MYO15B: variants seen among roughly 807,000 people sequenced by gnomAD.
The protein encoded by MYO15B is myosin XVB pseudogene.
In MYO15B, 207 loss-of-function variants were observed where a neutral mutation model predicts 119.3. The observed-to-expected ratio is 1.73, with a 90% CI of 1.55 to 1.95. The LOEUF (loss-of-function observed/expected upper bound fraction) is 1.95, where lower values mean the gene tolerates loss of function less well. Among genes scored for constraint, MYO15B ranks in the 30% most tolerant of loss-of-function variants. The pLI is 0.00. For missense variants in MYO15B, 2,264 were observed against 1,203.1 expected (o/e 1.88, Z -13.04); for synonymous variants, 966 against 498.9 (o/e 1.94, Z -12.48).
At chr17:75,618,678 C>A (rs1293167285) in intron 43 of MYO15B, among the ~76,000 whole-genome samples, 1 of 152,228 alleles carries the variant, frequency 6.6e-6, no homozygotes, top group African/African-American at 2.4e-5. Context: ...GACCATTATT[C>A]ATCTAGTTTT....
In MYO15B at chr17:75,626,028, C is replaced by T. The variant is rs554725047; in HGVS notation, c.9072+51C>T. 6.0e-5 allele frequency: 42 copies of T among 697,408 alleles called. No individual in the cohort carries two copies. In the East Asian group the frequency reaches 9.1e-4, roughly 15 times the overall value. 43.2% of individuals were successfully genotyped at this position (697,408 alleles called of 1,614,324 possible). Reference sequence around the variant, plus strand: ...TGGCCTAGGGACCCTTGGGCTGTTCCATCACCCACAATGACCCCTCCCCGG... The same window carrying T: ...TGGCCTAGGGACCCTTGGGCTGTTCTATCACCCACAATGACCCCTCCCCGG... On this transcript the variant is annotated intron_variant, in intron 62 of 63. Coordinates refer to ENST00000645453, the Ensembl canonical transcript of MYO15B.
In MYO15B at chr17:75,601,377, G is replaced by C. The variant is rs573067993; in HGVS notation, c.3526-61G>C. 3.6e-5 allele frequency: 25 copies of C among 691,820 alleles called. No individual in the cohort carries two copies. In the East Asian group the frequency reaches 6.5e-4, roughly 18 times the overall value. 42.9% of individuals were successfully genotyped at this position (691,820 alleles called of 1,614,324 possible). ...CAGTACTCGTGCTCACCGGGAGAGG[G>C]CGCCATCCAGAAGGACAGCCTGTGC... is the stretch of plus-strand genomic sequence containing the variant. On this transcript the variant is annotated intron_variant, in intron 14 of 63. Coordinates refer to ENST00000645453, the Ensembl canonical transcript of MYO15B.
chr17:75,611,943 C>T (rs184248251), exon 25 of MYO15B: 521 of 703,008 alleles, frequency 7.4e-4, no homozygotes, highest in Admixed American at 1.5e-3. Flanking sequence ...GAGGTTCCTG[C>T]CCGGCCCAGC....
At chr17:75,594,748 C>G (rs548141550) in exon 11 of MYO15B, 1 of 703,074 alleles carries the variant, frequency 1.4e-6, no homozygotes, top group Non-Finnish European at 2.6e-6. Context: ...TGGAAAGTGC[C>G]TTTGATGCCA....
chr17:75,592,361 G>A lies in MYO15B; in HGVS notation c.2715+60G>A. The A allele has an allele frequency of 1.0e-5, 7 of 699,582 alleles. 1 individual carries two copies. In the South Asian group the frequency reaches 1.0e-4, roughly 10 times the overall value. 43.3% of individuals were successfully genotyped at this position (699,582 alleles called of 1,614,324 possible). A position where few individuals can be genotyped will look rare whatever the true frequency, so the allele number is the denominator to read the frequency against. On this transcript the variant is annotated intron_variant, in intron 7 of 63. Transcript: ENST00000645453. ...TCCCAGAGTAGGAAGGGCAGAGGGT[G>A]TCACTGTCGGGGTGTGGCCTCTAAG... is the stretch of plus-strand genomic sequence containing the variant.
At position 75,589,496 on chromosome 17, in the gene MYO15B, A is replaced by G. The variant is rs1053879421; in HGVS notation, c.1439A>G (p.His480Arg). The G allele has an allele frequency of 2.5e-6, 1 of 396,302 alleles. No individual in the cohort carries two copies. Among genetic ancestry groups the G allele is most frequent in the African/African-American group, 2.1e-5 (1 of 47,822 alleles). 24.5% of individuals were successfully genotyped at this position (396,302 alleles called of 1,614,324 possible). The change falls in exon 1 of 64, where the codon CAC becomes CGC. Residue 480 changes from histidine (H) to arginine (R), a missense_variant. Physicochemically the swap from His to Arg is conservative, Grantham distance 29. Coordinates refer to ENST00000645453, the Ensembl canonical transcript of MYO15B. This position sits in a 1 kb window ranked among gnomAD's most constrained non-coding sequence, Gnocchi z 4.2. ...GAGAGAGGTGACGAGGGCCGGGACC[A>G]CCAGAGAGGGTACGAGGGGTGGGGC...
chr17:75,611,632 T>G (rs1381030752), exon 24 of MYO15B: 2 of 702,804 alleles, frequency 2.8e-6, no homozygotes, highest in Non-Finnish European at 5.2e-6. Context: ...CCGGCTGAGC[T>G]GGCCGTCATG....
chr17:75,602,190 T>A, intron 15 of MYO15B: 6 of 385,794 alleles, frequency 1.6e-5, no homozygotes, highest in East Asian at 6.0e-5. Flanking sequence ...ATACAAGGAG[T>A]TCAAGAAAGC....
chr17:75,621,724 C>G (rs953678982), intron 52 of MYO15B, 154 bp downstream of exon 52: 1 of 604,816 alleles, frequency 1.7e-6, no homozygotes, highest in Non-Finnish European at 3.0e-6. Context: ...GGCCCTCACC[C>G]GCTTCTACTC....
chr17:75,607,886 C>A (rs1315201252), intron 21 of MYO15B, among the ~76,000 whole-genome samples: 1 of 152,294 alleles, frequency 6.6e-6, no homozygotes, highest in East Asian at 1.9e-4. Context: ...ATAGTGGCTG[C>A]ATCATTTTAT....
chr17:75,596,121 G>A (rs1177911884), intron 12 of MYO15B, among the ~76,000 whole-genome samples: 2 of 152,214 alleles, frequency 1.3e-5, no homozygotes, highest in Admixed American at 1.3e-4. Context: ...GCAGCAGCCT[G>A]GAGCCCTGTG....
chr17:75,610,922 A>G (rs1236036587), exon 23 of MYO15B: 16 of 702,944 alleles, frequency 2.3e-5, no homozygotes, highest in Non-Finnish European at 3.9e-5. Flanking sequence ...CAGGGCTGGC[A>G]TAGCAGCGAA....
rs530998022 is a variant in MYO15B at position 75,605,748 on chromosome 17, C to A, written c.4135-116C>A. On this transcript the variant is annotated intron_variant, in intron 20 of 63. Transcript: ENST00000645453. ...AGTGGTGGGAGACAGAAGGGCTGGA[C>A]GGCAGGGCCAGAAGAACAAATGGTT... The A allele has an allele frequency of 1.5e-5, 10 of 655,800 alleles. No homozygotes were observed. In the African/African-American group the frequency reaches 1.6e-4, roughly 10 times the overall value. The allele number at this position is 655,800 out of a possible 1,614,324, so 40.6% of individuals were successfully genotyped here. A position where few individuals can be genotyped will look rare whatever the true frequency, so the allele number is the denominator to read the frequency against.
At chr17:75,603,285 G>A (rs1277369727) in exon 19 of MYO15B, 18 of 702,968 alleles carry the variant, frequency 2.6e-5, no homozygotes, top group Admixed American at 6.0e-5. Flanking sequence ...TTCCCCGTGC[G>A]TGTGCCCTTT....
At position 75,616,967 on chromosome 17, in the gene MYO15B, C is replaced by T; in HGVS notation, c.6594+6C>T. On this transcript the variant is annotated splice_donor_region_variant and intron_variant, in intron 40 of 63. Transcript: ENST00000645453. Reference sequence around the variant, plus strand: ...GTGCCCACTCGTCCCCGCCGGTGAGCACCCCAGCCTGTCTCCCCCAGAGTG... The same window carrying T: ...GTGCCCACTCGTCCCCGCCGGTGAGTACCCCAGCCTGTCTCCCCCAGAGTG... The T allele has an allele frequency of 1.4e-6, 1 of 702,928 alleles. No homozygotes were observed. Among genetic ancestry groups the T allele is most frequent in the Non-Finnish European group, 2.6e-6 (1 of 385,000 alleles). 43.5% of individuals were successfully genotyped at this position (702,928 alleles called of 1,614,324 possible). A position where few individuals can be genotyped will look rare whatever the true frequency, so the allele number is the denominator to read the frequency against.
In MYO15B at chr17:75,589,138, GCTGGCCTCAAGGAGCGGCTCC is replaced by G. The variant is rs2056247958; in HGVS notation, c.1082_1102del (p.Ala361_Leu368delinsVal). On this transcript the variant is annotated inframe_deletion, in exon 1 of 64. Transcript: ENST00000645453. This position sits in a 1 kb window ranked among gnomAD's most constrained non-coding sequence, Gnocchi z 4.2. ...TTCCCAGGCCGTGGGCCCCCGCCGC[GCTGGCCTCAAGGAGCGGCTCC>G]TGAGTGTAGCGCGAGCCCTGGGCCT... is the stretch of plus-strand genomic sequence containing the variant. The G allele has an allele frequency of 2.6e-6, 1 of 391,420 alleles. No homozygotes were observed. Among genetic ancestry groups the G allele is most frequent in the African/African-American group, 2.1e-5 (1 of 48,256 alleles). The allele number at this position is 391,420 out of a possible 1,614,324, so 24.2% of individuals were successfully genotyped here.
At chr17:75,599,574 C>T (rs138897322) in intron 14 of MYO15B, among the ~76,000 whole-genome samples, 4 of 151,936 alleles carry the variant, frequency 2.6e-5, no homozygotes, top group Non-Finnish European at 4.4e-5. Context: ...CACAAGCCAC[C>T]GCACCTGGCC....
At chr17:75,606,192 T>G in intron 21 of MYO15B, 171 bp downstream of exon 21, 1 of 517,034 alleles carries the variant, frequency 1.9e-6, no homozygotes, top group East Asian at 3.1e-5. Flanking sequence ...CCCATACCCG[T>G]GCAGCCTCTG....
Position 75,617,037 on chromosome 17 carries a change from G to A in MYO15B, c.6595-48G>A, listed in dbSNP as rs890666527. ...GCTCAAGGCTCTCTGGGGCGAACTT[G>A]GCCTTGTGCTGTGACTCAGCCCGTG... On this transcript the variant is annotated intron_variant, in intron 40 of 63. Transcript: ENST00000645453. 12 of 693,778 alleles carry A rather than the reference G, an allele frequency of 1.7e-5. No homozygotes were observed. In the South Asian group the frequency reaches 1.8e-4, roughly 10 times the overall value. The allele number at this position is 693,778 out of a possible 1,614,324, so 43.0% of individuals were successfully genotyped here.
Sources: gnomAD v4.1 joint callset for allele counts (sites outside exome capture counted in the v4.1 genomes callset) on GRCh38, gnomAD v4.1.1 for gene constraint, Gnocchi (gnomAD v3.1) non-coding constraint, MANE v1.5 for transcripts, NCBI Gene and HGNC (gene_info 2026-07-23, HGNC 2026-07-21) for gene names.